The following ATP8A1 variants were observed in gnomAD, a reference collection of about 807,000 sequenced individuals.
ATP8A1 encodes the protein phospholipid-transporting ATPase IA.
A neutral mutation model predicts 177.7 loss-of-function variants in ATP8A1; 90 were observed. That is an observed-to-expected ratio of 0.51 (90% CI 0.43 to 0.60). ATP8A1 has a LOEUF of 0.60. ATP8A1 is among the 20% of genes least tolerant of loss of function. The pLI, the probability that ATP8A1 is intolerant of heterozygous loss-of-function variation, is 0.00. For missense variants in ATP8A1, 1,072 were observed against 1,392.8 expected (o/e 0.77, Z 3.67); for synonymous variants, 493 against 485.9 (o/e 1.01, Z -0.19).
chr4:42,446,685 T>G, intron 30 of ATP8A1, 41 bp from the exon 31 acceptor site: 13 of 1,547,738 alleles, frequency 8.4e-6, no homozygotes, highest in Non-Finnish European at 1.2e-5. Flanking sequence ...GAAAATGAGA[T>G]TCTTTCAGAA....
At position 42,441,609 on chromosome 4, in the gene ATP8A1, T is replaced by C. The variant is rs148935084; in HGVS notation, c.3123+1956A>G. ...GAGAATCTGAGTGGCATTCTCACTA[T>C]ATCCTTATATTGGCATTATTGTGAG... On this transcript the variant is annotated intron_variant, in intron 33 of 36. Transcript: ENST00000381668. 4.1e-3 allele frequency among the ~76,000 whole-genome samples: 624 copies of C among 152,302 alleles called. 2 individuals are homozygous for C. Among genetic ancestry groups the C allele is most frequent in the Admixed American group, 7.9e-3 (120 of 15,286 alleles).
chr4:42,554,284 A>G (rs1004253904), intron 16 of ATP8A1, among the ~76,000 whole-genome samples: 4 of 152,184 alleles, frequency 2.6e-5, no homozygotes, highest in African/African-American at 9.7e-5. Flanking sequence ...CCGACACCCA[A>G]GATAGATTCT....
intron 11 of ATP8A1, among the ~76,000 whole-genome samples, 198 bp downstream of exon 11, chr4:42,579,615 A>C (rs1314689724): frequency 1.3e-5 from 2 of 151,920 alleles, no homozygotes; most frequent in African/African-American, 4.8e-5. Context: ...TTATGTTTTT[A>C]AGGATTCTGA....
intron 1 of ATP8A1, among the ~76,000 whole-genome samples, chr4:42,644,440 C>T (rs1381899409): frequency 6.6e-6 from 1 of 152,182 alleles, no homozygotes; most frequent in Non-Finnish European, 1.5e-5. Context: ...ACTTTCCAAC[C>T]TCTACAAGAT....
chr4:42,641,666 T>G (rs1027244463), intron 1 of ATP8A1, among the ~76,000 whole-genome samples: 1 of 152,182 alleles, frequency 6.6e-6, no homozygotes, highest in Admixed American at 6.5e-5. Context: ...AGTGTGTTCA[T>G]AGGAAGATAG....
intron 24 of ATP8A1, among the ~76,000 whole-genome samples, chr4:42,488,857 G>T (rs886339429): frequency 1.3e-5 from 2 of 152,184 alleles, no homozygotes; most frequent in African/African-American, 4.8e-5. Context: ...TGAGTTTCTT[G>T]ACAGGAAAGA....
intron 25 of ATP8A1, among the ~76,000 whole-genome samples, chr4:42,477,609 GGT>G (rs1375476804): frequency 6.6e-6 from 1 of 152,096 alleles, no homozygotes; most frequent in Non-Finnish European, 1.5e-5. Context: ...AAACCTCTGT[GGT>G]ATCCCTATGA....
At chr4:42,589,584 G>T (rs1312192698) in intron 7 of ATP8A1, among the ~76,000 whole-genome samples, 2 of 152,052 alleles carry the variant, frequency 1.3e-5, no homozygotes, top group Non-Finnish European at 2.9e-5. Context: ...TTTCGTAAAA[G>T]CTGCTACTTT....
At chr4:42,548,696 C>T (rs1264971284) in intron 19 of ATP8A1, among the ~76,000 whole-genome samples, 1 of 152,090 alleles carries the variant, frequency 6.6e-6, no homozygotes, top group Non-Finnish European at 1.5e-5. Context: ...CTCTTTATCC[C>T]TTCCCCTCCC....
At chr4:42,481,091 C>T (rs535502422) in intron 25 of ATP8A1, among the ~76,000 whole-genome samples, 50 of 152,322 alleles carry the variant, frequency 3.3e-4, no homozygotes, top group African/African-American at 1.2e-3. Flanking sequence ...AAACCACATG[C>T]TATTTAACAC....
intron 33 of ATP8A1, among the ~76,000 whole-genome samples, chr4:42,423,914 A>T (rs1714286122): frequency 6.6e-6 from 1 of 152,216 alleles, no homozygotes; most frequent in Admixed American, 6.5e-5. Flanking sequence ...AAATTCTCTT[A>T]TAAGATATGG....
At chr4:42,639,699 G>C (rs1286057886) in intron 1 of ATP8A1, among the ~76,000 whole-genome samples, 1 of 152,186 alleles carries the variant, frequency 6.6e-6, no homozygotes, top group Non-Finnish European at 1.5e-5. Context: ...CTGCAAAATA[G>C]TTAAGTGAAC....
At chr4:42,634,622 G>C (rs1299374671) in intron 1 of ATP8A1, among the ~76,000 whole-genome samples, 4 of 152,120 alleles carry the variant, frequency 2.6e-5, no homozygotes, top group South Asian at 2.1e-4. Flanking sequence ...CCAGTTATGA[G>C]CTCTGGTTAC....
intron 1 of ATP8A1, among the ~76,000 whole-genome samples, chr4:42,644,431 C>T (rs1273941775): frequency 3.3e-5 from 5 of 152,188 alleles, no homozygotes; most frequent in Non-Finnish European, 7.4e-5. Context: ...CAATTCAGAA[C>T]TTTCCAACCT....
rs1712402590 is a variant in ATP8A1, at chr4:42,409,976, A to G, written c.*2940T>C. On this transcript the variant is annotated 3_prime_UTR_variant, in exon 37 of 37. Transcript: ENST00000381668. Reference sequence around the variant, plus strand: ...TAAATGGCTAACATTATTTAGCAGAATACACATTCACCTGACTTGATTAGA... The same window carrying G: ...TAAATGGCTAACATTATTTAGCAGAGTACACATTCACCTGACTTGATTAGA... 1 of 152,228 alleles carries G rather than the reference A, an allele frequency of 6.6e-6. No homozygotes were observed. Among genetic ancestry groups the G allele is most frequent in the South Asian group, 2.1e-4 (1 of 4,830 alleles). The allele number at this position is 152,228 out of a possible 1,614,324, so 9.4% of individuals were successfully genotyped here.
intron 33 of ATP8A1, among the ~76,000 whole-genome samples, chr4:42,426,439 T>C (rs548548170): frequency 6.6e-6 from 1 of 152,352 alleles, no homozygotes; most frequent in South Asian, 2.1e-4. Context: ...ACTCTAAGAC[T>C]GTCTCCATGG....
intron 9 of ATP8A1, among the ~76,000 whole-genome samples, chr4:42,582,119 TCGAGGAGTTTACTC>T (rs1213669390): frequency 6.6e-6 from 1 of 152,136 alleles, no homozygotes. Context: ...AAAAAGACAC[TCGAGGAGTTTACTC>T]TTGTCCTTGT....
At chr4:42,459,611 A>G (rs1160734449) in intron 27 of ATP8A1, 1 of 239,170 alleles carries the variant, frequency 4.2e-6, no homozygotes, top group Non-Finnish European at 8.5e-6. Flanking sequence ...TACTTTAGAA[A>G]AGAACTACAC....
chr4:42,530,095 T>G (rs1254541103), intron 20 of ATP8A1, among the ~76,000 whole-genome samples: 1 of 152,194 alleles, frequency 6.6e-6, no homozygotes, highest in Non-Finnish European at 1.5e-5. Context: ...TGAACTGTTC[T>G]GTGGACACCA....
Sources: gnomAD v4.1 joint callset for allele counts (sites outside exome capture counted in the v4.1 genomes callset) on GRCh38, gnomAD v4.1.1 for gene constraint, MANE v1.5 for transcripts, NCBI Gene and HGNC (gene_info 2026-07-23, HGNC 2026-07-21) for gene names.